The following PHKB variants were observed in gnomAD, a reference collection of about 807,000 sequenced individuals.
PHKB encodes the protein phosphorylase kinase regulatory subunit beta.
A neutral mutation model predicts 152.1 loss-of-function variants in PHKB; 122 were observed. That is an observed-to-expected ratio of 0.80 (90% confidence interval 0.69 to 0.93). PHKB has a LOEUF of 0.93. Among genes scored for constraint, PHKB ranks in the 40% least tolerant of loss-of-function variants. The pLI is 0.00. For missense variants in PHKB, 1,304 were observed against 1,328.4 expected (o/e 0.98, Z 0.29); for synonymous variants, 436 against 464.9 (o/e 0.94, Z 0.80).
At chr16:47,614,430 C>CAGTGGTT (rs1216132496) in intron 14 of PHKB, among the ~76,000 whole-genome samples, 4 of 152,304 alleles carry the variant, frequency 2.6e-5, no homozygotes, top group African/African-American at 9.6e-5. Context: ...TTTAACCATT[C>CAGTGGTT]ACACATTGAA....
intron 7 of PHKB, among the ~76,000 whole-genome samples, chr16:47,548,832 T>A (rs114258876): frequency 0.015 from 2,262 of 152,288 alleles, 55 homozygotes; most frequent in African/African-American, 0.051. Context: ...TAATTTCTAC[T>A]TTATGTCATT....
intron 1 of PHKB, among the ~76,000 whole-genome samples, chr16:47,466,663 T>C (rs954721493): frequency 1.3e-5 from 2 of 152,232 alleles, no homozygotes; most frequent in Admixed American, 6.5e-5. Context: ...AACTTTCTTT[T>C]GTTAATTTAA....
chr16:47,669,401 C>A lies in PHKB; in HGVS notation c.2614C>A (p.Leu872Met), dbSNP rs1257739396. ...TAACCCTGAGTTATTCAGTGGCATG[C>A]TGAAAATACGAATCGGGTGAGTGAA... Reference protein sequence around the residue: ...SNNPELFSGMLKIRIGWIIHA... With the variant: ...SNNPELFSGMMKIRIGWIIHA... Residue 872 changes from leucine (L) to methionine (M), a missense_variant, in exon 26 of 31, where the codon CTG becomes ATG. Physicochemically the swap from Leu to Met is conservative, Grantham distance 15. Coordinates refer to ENST00000323584, the MANE Select transcript of PHKB (RefSeq NM_000293.3). 1 of 1,614,038 alleles carries A rather than the reference C, an allele frequency of 6.2e-7. No individual in the cohort carries two copies. The highest frequency in any genetic ancestry group is 8.5e-7 in the Non-Finnish European group (1 of 1,179,912).
At position 47,596,381 on chromosome 16, in the gene PHKB, G is replaced by A. The variant is rs777591693; in HGVS notation, c.1213G>A (p.Val405Ile). The change falls in exon 13 of 31, where the codon GTT becomes ATT. Residue 405 changes from valine (V) to isoleucine (I), a missense_variant. Physicochemically the swap from Val to Ile is conservative, Grantham distance 29. Coordinates refer to ENST00000323584, the MANE Select transcript of PHKB (RefSeq NM_000293.3). Reference sequence around the variant, plus strand: ...ATTTTTAAACTCCATAGGATATCCTGTTGTACCAAAGTACTATTATGTGCC... The same window carrying A: ...ATTTTTAAACTCCATAGGATATCCTATTGTACCAAAGTACTATTATGTGCC... Reference protein sequence around the residue: ...VLHHTTEGYPVVPKYYYVPAD... With the variant: ...VLHHTTEGYPIVPKYYYVPAD... 1 of 1,602,630 alleles carries A rather than the reference G, an allele frequency of 6.2e-7. No individual in the cohort carries two copies. Among genetic ancestry groups the A allele is most frequent in the Non-Finnish European group, 8.5e-7 (1 of 1,169,678 alleles).
At chr16:47,495,906 G>C (rs866142334) in intron 1 of PHKB, among the ~76,000 whole-genome samples, 1 of 152,200 alleles carries the variant, frequency 6.6e-6, no homozygotes, top group South Asian at 2.1e-4. Context: ...TTTTCGCTCA[G>C]AGCAAGTCTT....
At chr16:47,521,454 G>A (rs1443513092) in intron 6 of PHKB, among the ~76,000 whole-genome samples, 1 of 152,116 alleles carries the variant, frequency 6.6e-6, no homozygotes, top group African/African-American at 2.4e-5. Context: ...AGGAGTTCAA[G>A]ACCAGCCTGA....
At chr16:47,548,235 T>C (rs992303700) in intron 7 of PHKB, 1 of 152,330 alleles carries the variant, frequency 6.6e-6, no homozygotes, top group Non-Finnish European at 1.5e-5. Context: ...GTCCTATCCA[T>C]GTTGCACTAA....
At chr16:47,555,298 G>A (rs990454177) in intron 7 of PHKB, among the ~76,000 whole-genome samples, 2 of 152,170 alleles carry the variant, frequency 1.3e-5, no homozygotes, top group Non-Finnish European at 2.9e-5. Flanking sequence ...TGAAGTCCTT[G>A]TTCTTCTAGG....
intron 4 of PHKB, 40 bp downstream of exon 4, chr16:47,503,130 C>G: frequency 8.1e-7 from 1 of 1,239,472 alleles, no homozygotes; most frequent in Non-Finnish European, 1.2e-6. Context: ...TCCCATCATT[C>G]TGAAGGATTA....
At chr16:47,642,097 A>G (rs1340959400) in intron 16 of PHKB, among the ~76,000 whole-genome samples, 1 of 151,396 alleles carries the variant, frequency 6.6e-6, no homozygotes, top group African/African-American at 2.4e-5. Context: ...TCATCCTTTT[A>G]TCTTTGATTT....
chr16:47,514,720 C>G (rs1447377182), intron 5 of PHKB, among the ~76,000 whole-genome samples: 1 of 152,156 alleles, frequency 6.6e-6, no homozygotes, highest in Non-Finnish European at 1.5e-5. Context: ...TAAAATGAAC[C>G]ACACAGGGTT....
chr16:47,564,556 T>A (rs1437315222), intron 7 of PHKB, among the ~76,000 whole-genome samples: 1 of 152,108 alleles, frequency 6.6e-6, no homozygotes, highest in Non-Finnish European at 1.5e-5. Flanking sequence ...GAGTTCCTTA[T>A]GGACTCTGTA....
chr16:47,495,620 A>G lies in PHKB; in HGVS notation c.77-1779A>G, dbSNP rs542811942. ...AATTTATTTTCTTTCATAGTGAATG[A>G]GCTTCACTGGGAGTGTATAGACTCC... is the stretch of plus-strand genomic sequence containing the variant. On this transcript the variant is annotated intron_variant, in intron 1 of 30. Transcript: ENST00000323584. 2.0e-5 allele frequency among the ~76,000 whole-genome samples: 3 copies of G among 152,284 alleles called. No homozygotes were observed. The East Asian group carries it at 5.8e-4, about 29-fold the overall frequency.
chr16:47,692,228 T>A (rs1269936561), intron 27 of PHKB, among the ~76,000 whole-genome samples: 1 of 152,254 alleles, frequency 6.6e-6, no homozygotes, highest in Admixed American at 6.5e-5. Context: ...GCATAGCTAT[T>A]GTCATACCTA....
intron 1 of PHKB, among the ~76,000 whole-genome samples, chr16:47,478,259 T>G (rs1301714976): frequency 6.6e-6 from 1 of 152,042 alleles, no homozygotes; most frequent in Non-Finnish European, 1.5e-5. Context: ...GAAATGGAAA[T>G]AGAAAGAAGT....
intron 14 of PHKB, among the ~76,000 whole-genome samples, chr16:47,636,872 G>T (rs148670734): frequency 6.6e-6 from 1 of 152,166 alleles, no homozygotes; most frequent in Non-Finnish European, 1.5e-5. Flanking sequence ...AAGCCTGGGG[G>T]CCGGGCTGCC....
intron 16 of PHKB, among the ~76,000 whole-genome samples, chr16:47,644,467 A>C (rs1218331219): frequency 6.6e-6 from 1 of 152,066 alleles, no homozygotes; most frequent in Non-Finnish European, 1.5e-5. Context: ...TACAAACCCA[A>C]CTCTCACATA....
chr16:47,595,990 A>G (rs928647882), intron 12 of PHKB, among the ~76,000 whole-genome samples: 9 of 152,300 alleles, frequency 5.9e-5, no homozygotes, highest in East Asian at 1.9e-4. Flanking sequence ...AGTAATTTTG[A>G]TATGGTTCGG....
chr16:47,651,382 C>A (rs143720109), intron 20 of PHKB, among the ~76,000 whole-genome samples: 24 of 152,280 alleles, frequency 1.6e-4, no homozygotes, highest in Non-Finnish European at 2.6e-4. Context: ...CCACAGTTCT[C>A]TCCTACTAAA....
Sources: allele counts gnomAD v4.1 joint callset (sites outside exome capture counted in the v4.1 genomes callset), GRCh38; gene constraint gnomAD v4.1.1; transcripts MANE v1.5; gene names NCBI Gene and HGNC (gene_info 2026-07-23, HGNC 2026-07-21).